BICRA: variants seen among roughly 807,000 people sequenced by gnomAD.
The protein encoded by BICRA is BRD4-interacting chromatin-remodeling complex-associated protein.
In BICRA, 31 loss-of-function variants were observed where a neutral mutation model predicts 96.9. That is an observed-to-expected ratio of 0.32 (90% CI 0.24 to 0.43). BICRA has a LOEUF of 0.43. BICRA is among the 20% of genes least tolerant of loss of function. The pLI, the probability that BICRA is intolerant of heterozygous loss-of-function variation, is 1.00. For missense variants in BICRA, 2,283 were observed against 2,190.3 expected (o/e 1.04, Z -0.84); for synonymous variants, 1,350 against 1,071.8 (o/e 1.26, Z -5.07).
At chr19:47,690,794 G>T (rs1599861143) in intron 7 of BICRA, among the ~76,000 whole-genome samples, 1 of 47,930 alleles carries the variant, frequency 2.1e-5, no homozygotes, top group African/African-American at 5.7e-5. Context: ...TTTGTGGATT[G>T]TGTGTGTGTG....
chr19:47,638,094 C>T (rs926055924), intron 1 of BICRA, among the ~76,000 whole-genome samples: 3 of 152,284 alleles, frequency 2.0e-5, no homozygotes, highest in Admixed American at 6.5e-5. Context: ...TGCCTCCCTC[C>T]TCCCTCTATT....
chr19:47,658,208 TC>T (rs1972649834), intron 1 of BICRA, among the ~76,000 whole-genome samples: 1 of 152,104 alleles, frequency 6.6e-6, no homozygotes, highest in Non-Finnish European at 1.5e-5. Flanking sequence ...CTATGGTCTG[TC>T]CTCTGTTGAC....
chr19:47,609,883 A>G (rs995711984), intron 1 of BICRA, among the ~76,000 whole-genome samples: 71 of 150,874 alleles, frequency 4.7e-4, no homozygotes, highest in Non-Finnish European at 5.3e-4. Flanking sequence ...AGTTGACTTG[A>G]CCCCCAGCCC....
rs562957464 is a variant in BICRA at position 47,690,757 on chromosome 19, C to A, written c.2284-3358C>A. On this transcript the variant is annotated intron_variant, in intron 7 of 14. Transcript: ENST00000594866. The stretch of plus-strand genomic sequence containing the variant: ...TATTTGGAGTTGCAACTGTTTTCCC[C>A]AGTAAGTCATTTGGCATGTGACTTA... Among the ~76,000 whole-genome samples the A allele has an allele frequency of 8.6e-5, 13 of 151,910 alleles. No individual in the cohort carries two copies. In the East Asian group the frequency reaches 2.1e-3, roughly 25 times the overall value.
chr19:47,642,446 G>A (rs907938021), intron 1 of BICRA, among the ~76,000 whole-genome samples: 9 of 152,122 alleles, frequency 5.9e-5, no homozygotes, highest in Admixed American at 2.0e-4. Flanking sequence ...CACACCTGTA[G>A]TCCCAGCACT....
At position 47,698,273 on chromosome 19, in the gene BICRA, C is replaced by T. The variant is rs1384424453; in HGVS notation, c.3249-361C>T. ...CGAAGGCTGCACTTTGGAGGAGGCA[C>T]GGTGGAGCCACACTGGCCCCAGGTG... On this transcript the variant is annotated intron_variant, in intron 11 of 14. Coordinates refer to ENST00000594866, the MANE Select transcript of BICRA (RefSeq NM_001394372.1). The surrounding 1 kb of genome is among the most constrained non-coding windows in gnomAD (Gnocchi z 4.8). Among the ~76,000 whole-genome samples the T allele has an allele frequency of 6.6e-6, 1 of 152,120 alleles. No homozygotes were observed. Among genetic ancestry groups the T allele is most frequent in the African/African-American group, 2.4e-5 (1 of 41,426 alleles).
At chr19:47,630,111 C>T (rs556502215) in intron 1 of BICRA, among the ~76,000 whole-genome samples, 182 of 151,882 alleles carry the variant, frequency 1.2e-3, no homozygotes, top group Non-Finnish European at 2.0e-3. Context: ...TCCTCCCTTC[C>T]CTCAGCACCT....
intron 1 of BICRA, among the ~76,000 whole-genome samples, chr19:47,641,601 T>C (rs1160477320): frequency 1.3e-5 from 2 of 152,118 alleles, no homozygotes; most frequent in African/African-American, 4.8e-5. Flanking sequence ...ATCATGCCAC[T>C]GCACTCCAGC....
At chr19:47,681,828 C>T (rs997140898) in intron 6 of BICRA, 148 bp from the exon 7 acceptor site, 1 of 630,734 alleles carries the variant, frequency 1.6e-6, no homozygotes, top group Non-Finnish European at 2.7e-6. Context: ...TGGGTTTCGG[C>T]CTCTGTGCCT....
Position 47,680,340 on chromosome 19 carries a change from G to A in BICRA, c.1170G>A (p.Gln390=). The change falls in exon 6 of 15, where the codon CAG becomes CAA. Residue 390 remains glutamine, a synonymous_variant. Coordinates refer to ENST00000594866, the MANE Select transcript of BICRA (RefSeq NM_001394372.1). The part of the protein sequence containing the change: ...IQGEPGALPQ[Q]PKAPQNLTFM... ...GCGAGCCGGGGGCGCTCCCGCAGCA[G>A]CCCAAGGCCCCGCAGAACCTGACGT... 1 of 1,534,414 alleles carries A rather than the reference G, an allele frequency of 6.5e-7. No individual in the cohort carries two copies. Among genetic ancestry groups the A allele is most frequent in the Non-Finnish European group, 8.7e-7 (1 of 1,146,344 alleles).
intron 1 of BICRA, among the ~76,000 whole-genome samples, chr19:47,640,408 T>C (rs1276337032): frequency 6.6e-6 from 1 of 151,780 alleles, no homozygotes; most frequent in Non-Finnish European, 1.5e-5. Context: ...TGTGTGCCTG[T>C]AATCCCAGCT....
chr19:47,690,792 TTGTG>T (rs10603971), intron 7 of BICRA, among the ~76,000 whole-genome samples: 6 of 150,324 alleles, frequency 4.0e-5, no homozygotes, highest in Admixed American at 6.7e-5. Context: ...AATTTGTGGA[TTGTG>T]TGTGTGTGTG....
chr19:47,652,775 C>A (rs1247588501), intron 1 of BICRA, among the ~76,000 whole-genome samples: 1 of 152,082 alleles, frequency 6.6e-6, no homozygotes, highest in Non-Finnish European at 1.5e-5. Context: ...AGTGGAACAC[C>A]TCCTATTCCT....
In BICRA at chr19:47,686,158, T is replaced by G. The variant is rs540764816; in HGVS notation, c.2283+4006T>G. Among the ~76,000 whole-genome samples, 37 of 152,268 alleles carry G rather than the reference T, an allele frequency of 2.4e-4. No individual in the cohort carries two copies. In the South Asian group the frequency reaches 2.9e-3, roughly 12 times the overall value. On this transcript the variant is annotated intron_variant, in intron 7 of 14. Transcript: ENST00000594866. ...GTTGGCCAGGCTGGTCTTGAACTCC[T>G]TACCTCAGGTGATCTGTCTGCCTTG... is the stretch of plus-strand genomic sequence containing the variant.
chr19:47,660,234 G>T (rs187330215), intron 1 of BICRA, among the ~76,000 whole-genome samples: 1 of 152,060 alleles, frequency 6.6e-6, no homozygotes, highest in East Asian at 1.9e-4. Flanking sequence ...AGCTCTAGGT[G>T]GTCCTTGGCT....
chr19:47,619,444 A>G (rs1297379344), intron 1 of BICRA, among the ~76,000 whole-genome samples: 1 of 151,832 alleles, frequency 6.6e-6, no homozygotes, highest in African/African-American at 2.4e-5. Context: ...TTTTTAGTAG[A>G]GATGAGGTTT....
At position 47,681,966 on chromosome 19, in the gene BICRA, C is replaced by T. The variant is rs1334717632; in HGVS notation, c.2107-10C>T. 3 of 1,545,070 alleles carry T rather than the reference C, an allele frequency of 1.9e-6. No individual in the cohort carries two copies. The highest frequency in any genetic ancestry group is 2.6e-6 in the Non-Finnish European group (3 of 1,148,736). ...CGGCTTTCTGATCCTGTGCGGGCTG[C>T]CCGTTGCAGGAGAGGAGCCAGCAGC... On this transcript the variant is annotated splice_polypyrimidine_tract_variant and intron_variant, in intron 6 of 14. Coordinates refer to ENST00000594866, the MANE Select transcript of BICRA (RefSeq NM_001394372.1).
intron 1 of BICRA, among the ~76,000 whole-genome samples, chr19:47,653,958 G>A (rs1195891267): frequency 2.0e-5 from 3 of 152,118 alleles, no homozygotes; most frequent in Non-Finnish European, 4.4e-5. Context: ...TCAGGCTCCC[G>A]AGTAGCTGGT....
intron 5 of BICRA, among the ~76,000 whole-genome samples, chr19:47,678,376 A>C (rs1972972095): frequency 6.6e-6 from 1 of 152,148 alleles, no homozygotes; most frequent in Non-Finnish European, 1.5e-5. Flanking sequence ...TCTGCCTCCC[A>C]AAGTGCTGGG....
Sources: allele counts gnomAD v4.1 joint callset (sites outside exome capture counted in the v4.1 genomes callset), GRCh38; gene constraint gnomAD v4.1.1; non-coding constraint Gnocchi (gnomAD v3.1); transcripts MANE v1.5; gene names NCBI Gene and HGNC (gene_info 2026-07-23, HGNC 2026-07-21).